CELF2: variants seen among roughly 807,000 people sequenced by gnomAD.
CELF2 encodes the protein CUGBP Elav-like family member 2, also known as CUG triplet repeat RNA-binding protein 2.
A neutral mutation model predicts 62.6 loss-of-function variants in CELF2; 8 were observed. The ratio of observed to expected loss-of-function variants is 0.13; its 90% CI spans 0.07 to 0.23. CELF2 has a LOEUF of 0.23. Among genes scored for constraint, CELF2 ranks in the 10% least tolerant of loss-of-function variants. CELF2 has a pLI of 1.00. For missense variants in CELF2, 333 were observed against 671.0 expected (o/e 0.50, Z 5.56); for synonymous variants, 258 against 250.0 (o/e 1.03, Z -0.30).
the CELF2 span, among the ~76,000 whole-genome samples, chr10:10,543,933 A>G: frequency 6.6e-6 from 1 of 152,182 alleles, no homozygotes; most frequent in African/African-American, 2.4e-5. Context: ...TGCGCCCCTA[A>G]TGAGATATGG....
intron 10 of CELF2, chr10:11,320,915 C>T (rs1165273240): frequency 4.5e-6 from 7 of 1,548,202 alleles, no homozygotes; most frequent in African/African-American, 2.7e-5. Context: ...GCCAGTAGCA[C>T]GCTGCATGGC....
chr10:10,773,638 T>G, the CELF2 span, among the ~76,000 whole-genome samples: 1 of 152,252 alleles, frequency 6.6e-6, no homozygotes, highest in Non-Finnish European at 1.5e-5. Flanking sequence ...ACTGGCTGTA[T>G]GTTAGAATTA....
chr10:10,837,759 G>A (rs1298322384), intron 1 of CELF2, among the ~76,000 whole-genome samples: 1 of 152,148 alleles, frequency 6.6e-6, no homozygotes, highest in Non-Finnish European at 1.5e-5. Context: ...CCCAGGAAAA[G>A]TGCTGGCAAA....
At chr10:10,634,516 G>T in the CELF2 span, among the ~76,000 whole-genome samples, 1 of 152,112 alleles carries the variant, frequency 6.6e-6, no homozygotes, top group African/African-American at 2.4e-5. Context: ...TATACAATTG[G>T]AAAATAAATA....
chr10:10,524,568 A>C, the CELF2 span, among the ~76,000 whole-genome samples: 1 of 152,112 alleles, frequency 6.6e-6, no homozygotes, highest in South Asian at 2.1e-4. Flanking sequence ...AGTTGCTTGA[A>C]AGGAGAGTTC....
chr10:10,877,749 G>T (rs1385771813), intron 1 of CELF2, among the ~76,000 whole-genome samples: 1 of 152,168 alleles, frequency 6.6e-6, no homozygotes, highest in East Asian at 1.9e-4. Context: ...TGGGTAGGAG[G>T]GAACCATTTT....
intron 5 of CELF2, among the ~76,000 whole-genome samples, chr10:11,264,361 T>C (rs1322010172): frequency 6.6e-6 from 1 of 152,258 alleles, no homozygotes; most frequent in Non-Finnish European, 1.5e-5. Flanking sequence ...TTTACATGTT[T>C]CTTACGCATT....
At chr10:10,649,250 T>C in the CELF2 span, among the ~76,000 whole-genome samples, 1 of 152,202 alleles carries the variant, frequency 6.6e-6, no homozygotes, top group Admixed American at 6.5e-5. Flanking sequence ...CAACAACATT[T>C]TCTGAATGCA....
intron 1 of CELF2, among the ~76,000 whole-genome samples, chr10:10,875,889 A>G (rs1011789297): frequency 3.3e-5 from 5 of 152,160 alleles, no homozygotes; most frequent in African/African-American, 9.7e-5. Context: ...TCGCTTAACT[A>G]TGCAACAACT....
the CELF2 span, among the ~76,000 whole-genome samples, chr10:10,789,658 G>T: frequency 6.6e-6 from 1 of 152,016 alleles, no homozygotes; most frequent in African/African-American, 2.4e-5. Flanking sequence ...TTACAAATTT[G>T]ATGGGTAAAA....
intron 1 of CELF2, among the ~76,000 whole-genome samples, chr10:11,107,074 A>G (rs545616811): frequency 1.2e-4 from 18 of 152,306 alleles, no homozygotes; most frequent in Non-Finnish European, 2.6e-4. Context: ...AAGACTTAAC[A>G]TGTTTTGTAC....
At chr10:10,805,464 T>A (rs1377212143) in intron 1 of CELF2, among the ~76,000 whole-genome samples, 2 of 152,164 alleles carry the variant, frequency 1.3e-5, no homozygotes, top group African/African-American at 2.4e-5. Context: ...CTTTTAAAAA[T>A]TTTTTGCAGA....
At chr10:11,249,469 TGTATAGGGACCC>T (rs2076522345) in intron 4 of CELF2, among the ~76,000 whole-genome samples, 1 of 152,152 alleles carries the variant, frequency 6.6e-6, no homozygotes, top group African/African-American at 2.4e-5. Flanking sequence ...GGACTTGCCC[TGTATAGGGACCC>T]TGTGGCATTT....
intron 1 of CELF2, among the ~76,000 whole-genome samples, chr10:11,123,823 A>C (rs1363018289): frequency 6.6e-6 from 1 of 152,110 alleles, no homozygotes; most frequent in Admixed American, 6.5e-5. Flanking sequence ...TAACATGAAG[A>C]CCTGTACCTT....
At chr10:10,981,834 G>C (rs1325548913) in intron 2 of CELF2, among the ~76,000 whole-genome samples, 1 of 151,822 alleles carries the variant, frequency 6.6e-6, no homozygotes, top group East Asian at 1.9e-4. Context: ...TCATTTTAAA[G>C]ATGAGAAAAC....
At chr10:10,498,917 ACAC>A in the CELF2 span, among the ~76,000 whole-genome samples, 1 of 152,200 alleles carries the variant, frequency 6.6e-6, no homozygotes, top group Non-Finnish European at 1.5e-5. Flanking sequence ...GGACAAGCAC[ACAC>A]TTGGGCATTT....
In CELF2 at chr10:10,917,286, T is replaced by C. The variant is rs148749598; in HGVS notation, c.54-2678T>C. On this transcript the variant is annotated intron_variant, in intron 1 of 13. Transcript: ENST00000636488. ...GATGTTGGTCAATCCAGTAAGCTTT[T>C]GAAACAGAGGTCAATTATGGACATT... is the stretch of plus-strand genomic sequence containing the variant. 9.0e-3 allele frequency among the ~76,000 whole-genome samples: 1,374 copies of C among 152,304 alleles called. 5 individuals carry two copies. The highest frequency in any genetic ancestry group is 0.013 in the African/African-American group (536 of 41,576).
intron 1 of CELF2, among the ~76,000 whole-genome samples, chr10:10,848,280 G>A (rs2059142522): frequency 6.6e-6 from 1 of 152,166 alleles, no homozygotes; most frequent in South Asian, 2.1e-4. Context: ...GACTTAGGGA[G>A]TAGAGCTATT....
the CELF2 span, among the ~76,000 whole-genome samples, chr10:10,613,612 C>T: frequency 3.9e-5 from 6 of 152,116 alleles, no homozygotes; most frequent in Non-Finnish European, 8.8e-5. Context: ...TGACTTTTCC[C>T]CCTTCGTTAC....
Sources: allele counts gnomAD v4.1 joint callset (sites outside exome capture counted in the v4.1 genomes callset), GRCh38; gene constraint gnomAD v4.1.1; transcripts MANE v1.5; gene names NCBI Gene and HGNC (gene_info 2026-07-23, HGNC 2026-07-21).